Variants in ATP8A2 observed in about 807,000 individuals in gnomAD.
ATP8A2 encodes phospholipid-transporting ATPase IB.
ATP8A2 carries 100 observed loss-of-function variants against 165.6 expected under a neutral mutation model. The observed-to-expected ratio is 0.60, with a 90% CI of 0.51 to 0.71. ATP8A2 has a LOEUF of 0.71. Ranked by LOEUF, ATP8A2 falls within the 30% of genes least tolerant of loss-of-function variation. The probability of loss-of-function intolerance (pLI) is 0.00; values close to 1 mark genes in which losing one functional copy is unlikely to be tolerated. For synonymous variants in ATP8A2, 543 were observed against 548.8 expected (o/e 0.99, Z 0.15); for missense variants, 1,227 against 1,479.5 (o/e 0.83, Z 2.80).
At chr13:25,894,886 T>C (rs1449079090) in intron 33 of ATP8A2, among the ~76,000 whole-genome samples, 1 of 152,196 alleles carries the variant, frequency 6.6e-6, no homozygotes, top group African/African-American at 2.4e-5. Flanking sequence ...ATTGATTTTG[T>C]ATCCTGAGAC....
At chr13:25,735,244 G>A (rs898015877) in intron 25 of ATP8A2, among the ~76,000 whole-genome samples, 14 of 152,076 alleles carry the variant, frequency 9.2e-5, no homozygotes, top group Non-Finnish European at 1.8e-4. Flanking sequence ...CACTGAAGGA[G>A]AAATAAGGGT....
intron 24 of ATP8A2, among the ~76,000 whole-genome samples, chr13:25,698,757 A>G (rs2042888143): frequency 1.3e-5 from 2 of 152,188 alleles, no homozygotes; most frequent in African/African-American, 4.8e-5. Flanking sequence ...AGGATTCAAA[A>G]TTAATATTTT....
At chr13:25,951,669 T>A (rs11838908) in intron 33 of ATP8A2, among the ~76,000 whole-genome samples, 6,140 of 152,236 alleles carry the variant, frequency 0.04, 220 homozygotes, top group African/African-American at 0.09. Flanking sequence ...GGGATGTATA[T>A]GCTTGTTAAG....
intron 21 of ATP8A2, 53 bp downstream of exon 21, chr13:25,578,952 C>A: frequency 1.7e-6 from 2 of 1,195,130 alleles, no homozygotes; most frequent in Non-Finnish European, 1.2e-6. Context: ...TACTTTCAAG[C>A]ATGTTGTCTT....
intron 25 of ATP8A2, among the ~76,000 whole-genome samples, chr13:25,760,179 A>T: frequency 6.6e-6 from 1 of 152,196 alleles, no homozygotes; most frequent in East Asian, 1.9e-4. Context: ...GTTAATAAAG[A>T]ATATCAAGTT....
chr13:25,392,509 C>CA (rs2033283537), intron 1 of ATP8A2, among the ~76,000 whole-genome samples: 1 of 152,188 alleles, frequency 6.6e-6, no homozygotes, highest in South Asian at 2.1e-4. Context: ...ATGAGTATCA[C>CA]ACAGTCTAAG....
chr13:25,523,207 C>T (rs1189054743), intron 2 of ATP8A2, among the ~76,000 whole-genome samples: 2 of 150,702 alleles, frequency 1.3e-5, no homozygotes, highest in African/African-American at 2.4e-5. Flanking sequence ...CAGGGTAATG[C>T]TGGCCTCAGA....
At chr13:25,584,639 C>CTATA (rs2039870437) in intron 23 of ATP8A2, among the ~76,000 whole-genome samples, 1 of 152,150 alleles carries the variant, frequency 6.6e-6, no homozygotes. Context: ...TTTCCCAGGG[C>CTATA]TATACCCTAC....
chr13:25,749,244 G>A (rs976787487), intron 25 of ATP8A2, among the ~76,000 whole-genome samples: 1 of 152,176 alleles, frequency 6.6e-6, no homozygotes, highest in African/African-American at 2.4e-5. Context: ...AGGAAGACAG[G>A]CCTGGAAATG....
intron 33 of ATP8A2, among the ~76,000 whole-genome samples, chr13:25,938,772 C>T (rs778308194): frequency 6.6e-5 from 10 of 151,874 alleles, no homozygotes; most frequent in Non-Finnish European, 1.3e-4. Context: ...TCGTGAGTGT[C>T]GTGGGTAGAT....
At chr13:25,907,823 C>T (rs961129201) in intron 33 of ATP8A2, among the ~76,000 whole-genome samples, 6 of 152,184 alleles carry the variant, frequency 3.9e-5, no homozygotes, top group African/African-American at 1.2e-4. Flanking sequence ...TGCCAAACAC[C>T]GTATACTCTT....
intron 24 of ATP8A2, among the ~76,000 whole-genome samples, chr13:25,686,880 C>T (rs564769491): frequency 7.9e-5 from 12 of 152,198 alleles, no homozygotes; most frequent in East Asian, 3.9e-4. Context: ...CATGACACCG[C>T]GTTCTGTTTT....
chr13:25,732,814 T>C (rs1284540572), intron 25 of ATP8A2, among the ~76,000 whole-genome samples: 1 of 152,212 alleles, frequency 6.6e-6, no homozygotes, highest in Non-Finnish European at 1.5e-5. Flanking sequence ...AGTTGTACCC[T>C]GTATTATTGC....
At chr13:26,012,452 C>T in intron 35 of ATP8A2, 79 bp from the exon 36 acceptor site, 1 of 1,188,534 alleles carries the variant, frequency 8.4e-7, no homozygotes, top group Non-Finnish European at 1.2e-6. Flanking sequence ...CCCACCTCAT[C>T]CCACCCCCTT....
intron 33 of ATP8A2, among the ~76,000 whole-genome samples, chr13:25,952,596 C>T (rs188198996): frequency 3.9e-5 from 6 of 152,234 alleles, no homozygotes; most frequent in Admixed American, 6.5e-5. Flanking sequence ...TGATCTCAAA[C>T]TCCTGACCTC....
At chr13:25,549,950 C>T (rs1488442196) in intron 10 of ATP8A2, among the ~76,000 whole-genome samples, 1 of 152,074 alleles carries the variant, frequency 6.6e-6, no homozygotes, top group Non-Finnish European at 1.5e-5. Flanking sequence ...ATAATCTCTC[C>T]CTGTCTCACA....
intron 30 of ATP8A2, among the ~76,000 whole-genome samples, chr13:25,859,978 G>GGTTT (rs1282659888): frequency 6.6e-6 from 1 of 152,086 alleles, no homozygotes; most frequent in Admixed American, 6.6e-5. Flanking sequence ...TTGGTTGGTT[G>GGTTT]GTTGGAAGCT....
intron 25 of ATP8A2, among the ~76,000 whole-genome samples, chr13:25,711,081 T>C (rs1236835393): frequency 6.6e-6 from 1 of 152,138 alleles, no homozygotes; most frequent in Non-Finnish European, 1.5e-5. Flanking sequence ...CTCAGCTCAC[T>C]GCAACCTCCG....
intron 30 of ATP8A2, among the ~76,000 whole-genome samples, chr13:25,853,235 C>A (rs1952054104): frequency 6.6e-6 from 1 of 151,314 alleles, no homozygotes; most frequent in Admixed American, 6.6e-5. Context: ...CTAAAAATAC[C>A]TCAAAAATTA....
Sources: allele counts gnomAD v4.1 joint callset (sites outside exome capture counted in the v4.1 genomes callset), GRCh38; gene constraint gnomAD v4.1.1; transcripts MANE v1.5; gene names NCBI Gene and HGNC (gene_info 2026-07-23, HGNC 2026-07-21).